ANXA10: variants seen among roughly 807,000 people sequenced by gnomAD.
ANXA10 encodes annexin A10.
In ANXA10, 49 loss-of-function variants were observed where a neutral mutation model predicts 53.5. The ratio of observed to expected loss-of-function variants is 0.92; its 90% confidence interval spans 0.73 to 1.16. ANXA10 has a LOEUF of 1.16. ANXA10 is among the 50% of genes most tolerant of loss of function. ANXA10 has a pLI of 0.00. For missense variants in ANXA10, 393 were observed against 394.4 expected, an observed-to-expected ratio of 1.00 and a Z score of 0.03; for synonymous variants, 131 against 128.9, an observed-to-expected ratio of 1.02 and a Z score of -0.11.
Position 168,164,128 on chromosome 4 carries a change from T to A in ANXA10, c.310-70T>A, listed in dbSNP as rs1302191725. On this transcript the variant is annotated intron_variant, in intron 4 of 11. Transcript: ENST00000359299. ...ACACTGGAAATGCTGTATCCCTTTC[T>A]TGTACAAAAGGTACACTATTACTTC... The A allele has an allele frequency of 9.2e-6, 11 of 1,196,892 alleles. No individual in the cohort carries two copies. In the East Asian group the frequency reaches 2.6e-4, roughly 28 times the overall value. The allele number at this position is 1,196,892 out of a possible 1,614,324, so 74.1% of individuals were successfully genotyped here. A position where few individuals can be genotyped will look rare whatever the true frequency, so the allele number is the denominator to read the frequency against.
rs35992092 is a variant in ANXA10 at position 168,153,981 on chromosome 4, TACAC to T, written c.196-8528_196-8525del. 7.3e-3 allele frequency among the ~76,000 whole-genome samples: 1,085 copies of T among 149,210 alleles called. 3 individuals are homozygous for T. The highest frequency in any genetic ancestry group is 0.016 in the East Asian group (79 of 4,888). ...AGTTCACTGTAACTATAGCTATGTA[TACAC>T]ACACACACACACACACACGCACACA... On this transcript the variant is annotated intron_variant, in intron 3 of 11. Coordinates refer to ENST00000359299, the MANE Select transcript of ANXA10 (RefSeq NM_007193.5).
intron 5 of ANXA10, among the ~76,000 whole-genome samples, chr4:168,164,721 T>C (rs1249516729): frequency 1.3e-5 from 2 of 152,260 alleles, no homozygotes; most frequent in Non-Finnish European, 2.9e-5. Flanking sequence ...CAGATTTTTA[T>C]ACATTTCAAA....
intron 5 of ANXA10, among the ~76,000 whole-genome samples, chr4:168,164,502 C>G (rs1260204961): frequency 6.6e-6 from 1 of 151,942 alleles, no homozygotes; most frequent in Non-Finnish European, 1.5e-5. Flanking sequence ...GCAAATTTTC[C>G]AGGAAAATAA....
chr4:168,124,998 G>A (rs992253585), intron 1 of ANXA10, among the ~76,000 whole-genome samples: 1 of 152,176 alleles, frequency 6.6e-6, no homozygotes, highest in Non-Finnish European at 1.5e-5. Context: ...AGGAACGAGG[G>A]AATGGGACTG....
chr4:168,185,565 A>G (rs553150745), intron 11 of ANXA10, among the ~76,000 whole-genome samples: 3 of 152,326 alleles, frequency 2.0e-5, no homozygotes, highest in Admixed American at 2.0e-4. Flanking sequence ...TTTAAACTTC[A>G]TGCATTTTGA....
At chr4:168,133,802 C>T (rs531113368) in intron 2 of ANXA10, among the ~76,000 whole-genome samples, 1 of 151,960 alleles carries the variant, frequency 6.6e-6, no homozygotes, top group Non-Finnish European at 1.5e-5. Flanking sequence ...AATATAAATA[C>T]CACATACAAT....
chr4:168,156,496 T>C (rs1731685903), intron 3 of ANXA10, among the ~76,000 whole-genome samples: 1 of 141,158 alleles, frequency 7.1e-6, no homozygotes, highest in South Asian at 2.1e-4. Flanking sequence ...TTCTTGTTTT[T>C]TGTTTTGTTT....
At chr4:168,168,079 T>A (rs1464540765) in intron 6 of ANXA10, among the ~76,000 whole-genome samples, 9 of 152,208 alleles carry the variant, frequency 5.9e-5, no homozygotes, top group Non-Finnish European at 1.3e-4. Flanking sequence ...AAGCATAAAG[T>A]AAATGCCATT....
intron 1 of ANXA10, among the ~76,000 whole-genome samples, chr4:168,115,014 G>C (rs1730869540): frequency 6.6e-6 from 1 of 152,058 alleles, no homozygotes; most frequent in Admixed American, 6.6e-5. Context: ...AGCCTCCCAA[G>C]TAGCTGGGAC....
intron 10 of ANXA10, among the ~76,000 whole-genome samples, chr4:168,184,339 A>G (rs2149482617): frequency 6.6e-6 from 1 of 152,342 alleles, no homozygotes; most frequent in South Asian, 2.1e-4. Flanking sequence ...CATTCAGAAA[A>G]TAGAAGAGAA....
intron 6 of ANXA10, 102 bp from the exon 7 acceptor site, chr4:168,177,638 T>G (rs1447720921): frequency 4.3e-6 from 5 of 1,168,040 alleles, no homozygotes; most frequent in Non-Finnish European, 6.4e-6. Context: ...AAGAAGTTCC[T>G]TAGGAACAAT....
intron 2 of ANXA10, among the ~76,000 whole-genome samples, chr4:168,137,233 T>C (rs938766650): frequency 2.0e-5 from 3 of 152,214 alleles, no homozygotes; most frequent in Non-Finnish European, 2.9e-5. Flanking sequence ...AGAGACATTA[T>C]ATTTTCTTCA....
intron 3 of ANXA10, among the ~76,000 whole-genome samples, chr4:168,142,870 G>A (rs917413321): frequency 2.6e-5 from 4 of 152,052 alleles, no homozygotes; most frequent in African/African-American, 9.7e-5. Context: ...AATGCTACTG[G>A]GTTGTGCTGG....
chr4:168,132,739 A>G (rs1731174774), intron 2 of ANXA10, among the ~76,000 whole-genome samples: 1 of 152,132 alleles, frequency 6.6e-6, no homozygotes, highest in Non-Finnish European at 1.5e-5. Context: ...TGTGTACCCC[A>G]TAAATATATA....
chr4:168,156,208 A>ATATATAATATATATTT (rs1731667702), intron 3 of ANXA10, among the ~76,000 whole-genome samples: 1 of 24,326 alleles, frequency 4.1e-5, no homozygotes, highest in Non-Finnish European at 6.7e-5. Flanking sequence ...AATATATATT[A>ATATATAATATATATTT]TATTATATGT....
intron 3 of ANXA10, among the ~76,000 whole-genome samples, chr4:168,146,387 C>G (rs11946301): frequency 0.68 from 102,983 of 152,118 alleles, 36,544 homozygotes; most frequent in African/African-American, 0.88. Flanking sequence ...ACCTACAGAA[C>G]TCTATGAGGT....
At chr4:168,184,507 T>A in intron 10 of ANXA10, 52 bp from the exon 11 acceptor site, 1 of 1,606,044 alleles carries the variant, frequency 6.2e-7, no homozygotes, top group South Asian at 1.1e-5. Context: ...TGGGACAGAC[T>A]GACTTTTAGG....
At chr4:168,110,940 T>C (rs1398791398) in intron 1 of ANXA10, among the ~76,000 whole-genome samples, 1 of 152,216 alleles carries the variant, frequency 6.6e-6, no homozygotes, top group Non-Finnish European at 1.5e-5. Context: ...CTTTTTCTCA[T>C]TAACATCTCA....
intron 11 of ANXA10, among the ~76,000 whole-genome samples, chr4:168,187,062 G>A (rs1417015199): frequency 1.3e-5 from 2 of 151,856 alleles, no homozygotes; most frequent in Non-Finnish European, 2.9e-5. Flanking sequence ...AATAACATTA[G>A]GGTACATCTT....
Sources: allele counts gnomAD v4.1 joint callset (sites outside exome capture counted in the v4.1 genomes callset), GRCh38; gene constraint gnomAD v4.1.1; transcripts MANE v1.5; gene names NCBI Gene and HGNC (gene_info 2026-07-23, HGNC 2026-07-21).